The following LRBA variants were observed in gnomAD, a reference collection of about 807,000 sequenced individuals.
The protein encoded by LRBA is LPS responsive beige-like anchor protein.
Under a neutral mutation model 330.0 loss-of-function variants are expected in LRBA, and 176 were observed. The observed-to-expected ratio is 0.53, with a 90% CI of 0.47 to 0.60. The LOEUF (loss-of-function observed/expected upper bound fraction) is 0.60, where lower values mean the gene tolerates loss of function less well. LRBA is among the 20% of genes least tolerant of loss of function. The probability of loss-of-function intolerance (pLI) is 0.00; values close to 1 mark genes in which losing one functional copy is unlikely to be tolerated. For missense variants in LRBA, 3,259 were observed against 3,444.8 expected (o/e 0.95, Z 1.35); for synonymous variants, 1,230 against 1,193.0 (o/e 1.03, Z -0.64).
chr4:150,579,354 G>C (rs1388298029), intron 40 of LRBA: 1 of 455,680 alleles, frequency 2.2e-6, no homozygotes, highest in Non-Finnish European at 4.4e-6. Context: ...GAGGCAGCCA[G>C]AGTGAGTTGG....
At chr4:150,345,986 G>T (rs1020045667) in intron 48 of LRBA, among the ~76,000 whole-genome samples, 2 of 152,134 alleles carry the variant, frequency 1.3e-5, no homozygotes, top group South Asian at 2.1e-4. Flanking sequence ...TTTTAAATTT[G>T]TTGTGGAGAT....
chr4:150,838,518 C>T (rs1748526809), intron 28 of LRBA, among the ~76,000 whole-genome samples: 1 of 152,156 alleles, frequency 6.6e-6, no homozygotes, highest in Non-Finnish European at 1.5e-5. Flanking sequence ...CTAAACTTCT[C>T]TTCTCACTTC....
chr4:150,576,692 A>G (rs1770588053), intron 40 of LRBA, among the ~76,000 whole-genome samples: 1 of 151,914 alleles, frequency 6.6e-6, no homozygotes, highest in Non-Finnish European at 1.5e-5. Flanking sequence ...TTATATTTGT[A>G]AAGTCTAATA....
chr4:150,598,134 G>A (rs1036745752), intron 38 of LRBA, among the ~76,000 whole-genome samples: 4 of 151,910 alleles, frequency 2.6e-5, no homozygotes, highest in Non-Finnish European at 5.9e-5. Flanking sequence ...TTAATCACAA[G>A]CTCCTGCATG....
chr4:150,848,021 C>CT (rs532463538), intron 26 of LRBA, among the ~76,000 whole-genome samples: 1,985 of 146,062 alleles, frequency 0.014, 33 homozygotes, highest in African/African-American at 0.042. Flanking sequence ...CTCTATAACC[C>CT]TTTTTTTTTT....
chr4:150,953,378 TC>T (rs201552103), intron 2 of LRBA, among the ~76,000 whole-genome samples: 7,367 of 54,696 alleles, frequency 0.13, 231 homozygotes, highest in Non-Finnish European at 0.18. Context: ...CCCCTCCCCC[TC>T]CCCCCCCTCT....
At chr4:150,756,844 A>C (rs972714795) in intron 35 of LRBA, among the ~76,000 whole-genome samples, 1 of 152,166 alleles carries the variant, frequency 6.6e-6, no homozygotes, top group African/African-American at 2.4e-5. Context: ...TAAGTTCTTT[A>C]AAACTATTAG....
At chr4:150,694,382 C>T (rs1784422306) in intron 36 of LRBA, among the ~76,000 whole-genome samples, 1 of 132,386 alleles carries the variant, frequency 7.6e-6, no homozygotes, top group African/African-American at 2.7e-5. Context: ...ACTTCAGGGA[C>T]AATAAATGAA....
intron 40 of LRBA, among the ~76,000 whole-genome samples, chr4:150,514,452 C>A (rs1762134883): frequency 6.6e-6 from 1 of 152,110 alleles, no homozygotes; most frequent in Admixed American, 6.5e-5. Context: ...CCCAGTATAG[C>A]CCCACTCTGG....
At chr4:150,295,042 C>T (rs1728796991) in intron 53 of LRBA, among the ~76,000 whole-genome samples, 1 of 151,972 alleles carries the variant, frequency 6.6e-6, no homozygotes, top group Admixed American at 6.6e-5. Flanking sequence ...TATATTTCAT[C>T]CTATGCTGCA....
chr4:150,658,009 C>CT (rs1191519095), intron 37 of LRBA, among the ~76,000 whole-genome samples: 1 of 152,060 alleles, frequency 6.6e-6, no homozygotes, highest in East Asian at 1.9e-4. Context: ...AAATGACCCA[C>CT]TTGCCTAGTG....
intron 31 of LRBA, among the ~76,000 whole-genome samples, chr4:150,811,133 G>A (rs1743661270): frequency 6.6e-6 from 1 of 152,146 alleles, no homozygotes; most frequent in Non-Finnish European, 1.5e-5. Context: ...ATTAAACTCA[G>A]TAAATGACAC....
chr4:150,377,181 T>G (rs960001410), intron 47 of LRBA, among the ~76,000 whole-genome samples: 1 of 150,902 alleles, frequency 6.6e-6, no homozygotes, highest in Non-Finnish European at 1.5e-5. Context: ...TGACTTGGGC[T>G]TAGGATAGGA....
At chr4:150,269,435 A>G (rs1313503404) in intron 56 of LRBA, among the ~76,000 whole-genome samples, 4 of 152,220 alleles carry the variant, frequency 2.6e-5, no homozygotes, top group Non-Finnish European at 5.9e-5. Flanking sequence ...GTCCACATGC[A>G]AAACAATGAA....
At chr4:150,571,779 T>C (rs541272807) in intron 40 of LRBA, among the ~76,000 whole-genome samples, 3 of 148,756 alleles carry the variant, frequency 2.0e-5, no homozygotes, top group Non-Finnish European at 3.0e-5. Context: ...CTGTACAATA[T>C]CACAATGTTA....
At chr4:150,389,289 G>C (rs1743535471) in intron 47 of LRBA, among the ~76,000 whole-genome samples, 1 of 151,966 alleles carries the variant, frequency 6.6e-6, no homozygotes, top group Non-Finnish European at 1.5e-5. Context: ...AGGAGGTTGG[G>C]GATGCAGTGA....
intron 36 of LRBA, among the ~76,000 whole-genome samples, chr4:150,708,857 G>A (rs917005039): frequency 6.6e-6 from 1 of 151,664 alleles, no homozygotes; most frequent in Non-Finnish European, 1.5e-5. Context: ...ATAGATCATT[G>A]CTATTCAGAA....
chr4:150,792,717 G>A (rs1373664454), intron 34 of LRBA, among the ~76,000 whole-genome samples: 4 of 152,102 alleles, frequency 2.6e-5, no homozygotes, highest in African/African-American at 7.2e-5. Context: ...ATGTTGCCCA[G>A]GCTGGTATCG....
At chr4:150,615,897 G>A (rs1775731820) in intron 37 of LRBA, among the ~76,000 whole-genome samples, 1 of 152,094 alleles carries the variant, frequency 6.6e-6, no homozygotes, top group Non-Finnish European at 1.5e-5. Context: ...AACTGGCCAT[G>A]CTCTACCACC....
Sources: gnomAD v4.1 joint callset for allele counts (sites outside exome capture counted in the v4.1 genomes callset) on GRCh38, gnomAD v4.1.1 for gene constraint, MANE v1.5 for transcripts, NCBI Gene and HGNC (gene_info 2026-07-23, HGNC 2026-07-21) for gene names.